RBFOX1: variants seen among roughly 807,000 people sequenced by gnomAD.
RBFOX1 encodes RNA binding fox-1 homolog 1.
In RBFOX1, 8 loss-of-function variants were observed where a neutral mutation model predicts 57.7. The observed-to-expected ratio is 0.14, with a 90% CI of 0.08 to 0.25. The LOEUF (loss-of-function observed/expected upper bound fraction) is 0.25, where lower values mean the gene tolerates loss of function less well. Ranked by LOEUF, RBFOX1 falls within the 10% of genes least tolerant of loss-of-function variation. RBFOX1 has a pLI of 1.00. For synonymous variants in RBFOX1, 326 were observed against 222.4 expected (o/e 1.47, Z -4.15); for missense variants, 611 against 548.5 (o/e 1.11, Z -1.14).
At chr16:7,051,984 CTT>C in intron 3 of RBFOX1, 71 bp from the exon 4 acceptor site, 3 of 1,562,764 alleles carry the variant, frequency 1.9e-6, no homozygotes, top group Non-Finnish European at 2.6e-6. Flanking sequence ...TTAAAAGTAA[CTT>C]TCTGTTTTCT....
At chr16:6,086,926 A>G (rs1194045955) in intron 1 of RBFOX1, among the ~76,000 whole-genome samples, 1 of 152,216 alleles carries the variant, frequency 6.6e-6, no homozygotes, top group African/African-American at 2.4e-5. Flanking sequence ...AGAAAGACCA[A>G]GTATAGCAGC....
intron 4 of RBFOX1, among the ~76,000 whole-genome samples, chr16:7,464,323 G>A (rs1327541517): frequency 6.6e-6 from 1 of 152,132 alleles, no homozygotes; most frequent in Non-Finnish European, 1.5e-5. Context: ...ACAGTAAAAT[G>A]ATCACCATCG....
At chr16:5,968,818 T>C (rs1256148695) in intron 4 of RBFOX1, among the ~76,000 whole-genome samples, 1 of 152,144 alleles carries the variant, frequency 6.6e-6, no homozygotes, top group Non-Finnish European at 1.5e-5. Flanking sequence ...TTTCTCTTTC[T>C]TTTTCAAGGA....
chr16:5,357,706 C>T (rs180915618), intron 1 of RBFOX1, among the ~76,000 whole-genome samples: 26 of 152,310 alleles, frequency 1.7e-4, no homozygotes, highest in Middle Eastern at 3.4e-3. Flanking sequence ...TGGCTGTGTC[C>T]CTGTCCTTGG....
At chr16:6,531,419 C>T (rs142201926) in intron 2 of RBFOX1, among the ~76,000 whole-genome samples, 2 of 152,144 alleles carry the variant, frequency 1.3e-5, no homozygotes, top group South Asian at 2.1e-4. Flanking sequence ...ACATCTTACT[C>T]GTTGCTAGAT....
At chr16:6,247,771 A>C (rs911236829) in intron 1 of RBFOX1, among the ~76,000 whole-genome samples, 7 of 152,188 alleles carry the variant, frequency 4.6e-5, no homozygotes, top group African/African-American at 1.7e-4. Flanking sequence ...GAATTACTCT[A>C]CAGAGAGAGA....
At chr16:7,496,757 A>AAAAC (rs1244930540) in intron 4 of RBFOX1, among the ~76,000 whole-genome samples, 2 of 151,718 alleles carry the variant, frequency 1.3e-5, no homozygotes, top group Non-Finnish European at 2.9e-5. Context: ...GAAAAAAAAA[A>AAAAC]AACAGTTTGC....
chr16:7,699,077 TTC>T (rs1555794624), intron 14 of RBFOX1, among the ~76,000 whole-genome samples: 1 of 152,154 alleles, frequency 6.6e-6, no homozygotes, highest in Non-Finnish European at 1.5e-5. Flanking sequence ...GCCCCTGAGA[TTC>T]TGATTCATAA....
intron 2 of RBFOX1, among the ~76,000 whole-genome samples, chr16:6,650,970 C>T (rs2098587015): frequency 6.6e-6 from 1 of 152,098 alleles, no homozygotes; most frequent in Non-Finnish European, 1.5e-5. Context: ...TGGCATGATC[C>T]CGGCTTACTG....
intron 4 of RBFOX1, among the ~76,000 whole-genome samples, chr16:5,998,326 C>G (rs922889643): frequency 1.3e-5 from 2 of 152,082 alleles, no homozygotes; most frequent in African/African-American, 2.4e-5. Context: ...TTGAGGAAAA[C>G]TAAAATAGAT....
chr16:7,111,354 C>T (rs1022884583), intron 4 of RBFOX1, among the ~76,000 whole-genome samples: 1 of 152,146 alleles, frequency 6.6e-6, no homozygotes, highest in South Asian at 2.1e-4. Context: ...CTGAGCGGCA[C>T]TGTTTTCCCT....
intron 4 of RBFOX1, among the ~76,000 whole-genome samples, chr16:7,173,763 C>G (rs73536604): frequency 0.033 from 5,035 of 152,280 alleles, 275 homozygotes; most frequent in African/African-American, 0.12. Context: ...TTAAGTTCCA[C>G]TTGCAGCACA....
chr16:5,498,527 G>C (rs1469995935), intron 2 of RBFOX1, among the ~76,000 whole-genome samples: 1 of 152,178 alleles, frequency 6.6e-6, no homozygotes, highest in Non-Finnish European at 1.5e-5. Flanking sequence ...AGATCACACT[G>C]CCTGCTGCAA....
In RBFOX1 at chr16:6,931,929, A is replaced by G. The variant is rs952359742; in HGVS notation, c.-15-120128A>G. On this transcript the variant is annotated intron_variant, in intron 3 of 15. Coordinates refer to ENST00000550418, the MANE Select transcript of RBFOX1 (RefSeq NM_018723.4). ...AGAGGGAGGAGGCGAGGAGTAAGCA[A>G]GAGAACCAGGGGGCTGAAGTCATCC... 2.6e-5 allele frequency among the ~76,000 whole-genome samples: 4 copies of G among 152,158 alleles called. 1 individual carries two copies. Among genetic ancestry groups the G allele is most frequent in the Non-Finnish European group, 5.9e-5 (4 of 68,014 alleles).
At chr16:7,669,804 AGTCT>A (rs2070764610) in intron 13 of RBFOX1, among the ~76,000 whole-genome samples, 1 of 152,182 alleles carries the variant, frequency 6.6e-6, no homozygotes, top group South Asian at 2.1e-4. Flanking sequence ...AAAAACTCCT[AGTCT>A]TTCTTCCTGA....
At chr16:6,907,648 G>A (rs1045524254) in intron 3 of RBFOX1, among the ~76,000 whole-genome samples, 11 of 152,268 alleles carry the variant, frequency 7.2e-5, no homozygotes, top group African/African-American at 2.6e-4. Flanking sequence ...TTGGCTCACT[G>A]CAGCCTCTGC....
At chr16:6,208,636 A>G (rs2097271257) in intron 1 of RBFOX1, among the ~76,000 whole-genome samples, 1 of 152,212 alleles carries the variant, frequency 6.6e-6, no homozygotes, top group African/African-American at 2.4e-5. Context: ...GTAGCGCTGC[A>G]CAGTGGCCAT....
At chr16:5,736,487 C>T (rs2052577390) in intron 3 of RBFOX1, among the ~76,000 whole-genome samples, 1 of 152,164 alleles carries the variant, frequency 6.6e-6, no homozygotes, top group South Asian at 2.1e-4. Flanking sequence ...CCCCGACTCT[C>T]CTCCCTGCTT....
intron 3 of RBFOX1, among the ~76,000 whole-genome samples, chr16:5,796,719 A>G (rs1400476469): frequency 6.6e-6 from 1 of 152,224 alleles, no homozygotes; most frequent in East Asian, 1.9e-4. Context: ...AGAGAGGACA[A>G]GTAATTTGCC....
Sources: allele counts gnomAD v4.1 joint callset (sites outside exome capture counted in the v4.1 genomes callset), GRCh38; gene constraint gnomAD v4.1.1; transcripts MANE v1.5; gene names NCBI Gene and HGNC (gene_info 2026-07-23, HGNC 2026-07-21).